Variants in NCAM2 observed in about 807,000 individuals in gnomAD.
The protein encoded by NCAM2 is neural cell adhesion molecule 2.
In NCAM2, 30 loss-of-function variants were observed where a neutral mutation model predicts 98.1. The observed-to-expected ratio is 0.31, with a 90% CI of 0.23 to 0.41. The LOEUF is 0.41. NCAM2 is among the 10% of genes least tolerant of loss of function. NCAM2 has a pLI of 1.00. For missense variants in NCAM2, 867 were observed against 1,005.8 expected (o/e 0.86, Z 1.87); for synonymous variants, 368 against 342.4 (o/e 1.07, Z -0.83).
At chr21:21,249,083 G>A (rs1387735825) in intron 1 of NCAM2, among the ~76,000 whole-genome samples, 2 of 152,024 alleles carry the variant, frequency 1.3e-5, no homozygotes, top group African/African-American at 4.8e-5. Context: ...GGTAAAAATA[G>A]TAATAAAATA....
chr21:21,115,958 TG>T (rs2066545870), intron 1 of NCAM2, among the ~76,000 whole-genome samples: 1 of 2,000 alleles, frequency 5.0e-4, no homozygotes, highest in Non-Finnish European at 3.2e-3. Context: ...TCTGAGATTT[TG>T]TGTGTGTGTG....
intron 7 of NCAM2, 42 bp from the exon 8 acceptor site, chr21:21,338,347 T>C (rs2074934259): frequency 1.5e-5 from 23 of 1,565,504 alleles, no homozygotes; most frequent in Non-Finnish European, 2.0e-5. Flanking sequence ...GAAGTAATAT[T>C]TTCCTCCAAT....
chr21:21,272,504 G>T (rs545952742), intron 1 of NCAM2, among the ~76,000 whole-genome samples: 585 of 56,484 alleles, frequency 0.01, 6 homozygotes, highest in African/African-American at 0.032. Flanking sequence ...ACATGCGCGC[G>T]CGCGCACACA....
chr21:21,418,107 ATG>A (rs1230922941), intron 10 of NCAM2, among the ~76,000 whole-genome samples: 1 of 77,594 alleles, frequency 1.3e-5, no homozygotes, highest in Non-Finnish European at 3.0e-5. Flanking sequence ...ATATATATAC[ATG>A]TATACATAAA....
At chr21:21,054,004 A>C (rs1272459656) in intron 1 of NCAM2, among the ~76,000 whole-genome samples, 1 of 151,304 alleles carries the variant, frequency 6.6e-6, no homozygotes, top group African/African-American at 2.4e-5. Context: ...TTTCCGTGTA[A>C]GTTTGGAAGG....
At chr21:21,331,511 C>CTATA (rs1400422948) in intron 6 of NCAM2, among the ~76,000 whole-genome samples, 4 of 6,564 alleles carry the variant, frequency 6.1e-4, no homozygotes, top group Admixed American at 2.9e-3. Flanking sequence ...TCTATACTCT[C>CTATA]TCTCTCTATA....
chr21:21,438,445 G>A (rs771961973), intron 12 of NCAM2, among the ~76,000 whole-genome samples: 2 of 152,080 alleles, frequency 1.3e-5, no homozygotes, highest in Non-Finnish European at 2.9e-5. Flanking sequence ...TATTCTTTTT[G>A]AAGGTTTAGC....
intron 8 of NCAM2, among the ~76,000 whole-genome samples, chr21:21,351,389 G>A (rs1011834291): frequency 1.1e-4 from 17 of 152,058 alleles, no homozygotes; most frequent in Non-Finnish European, 2.1e-4. Context: ...ATGCACTTGT[G>A]TTTACAAATT....
At chr21:21,483,879 G>C (rs1344204140) in intron 15 of NCAM2, among the ~76,000 whole-genome samples, 1 of 152,054 alleles carries the variant, frequency 6.6e-6, no homozygotes, top group Non-Finnish European at 1.5e-5. Context: ...TAGCTTCTAT[G>C]CTTATTGCAA....
At chr21:21,423,216 C>T (rs1457760141) in intron 11 of NCAM2, among the ~76,000 whole-genome samples, 1 of 152,104 alleles carries the variant, frequency 6.6e-6, no homozygotes, top group Non-Finnish European at 1.5e-5. Flanking sequence ...AGGGACTTGG[C>T]TGTTAGCTGT....
chr21:21,052,150 A>ATTTTTTTTTTTTTTTTTTTTTT (rs5842877), intron 1 of NCAM2, among the ~76,000 whole-genome samples: 3 of 74,808 alleles, frequency 4.0e-5, no homozygotes, highest in African/African-American at 1.7e-4. Context: ...CATGATGGCC[A>ATTTTTTTTTTTTTTTTTTTTTT]TTTTTTTTTT....
intron 1 of NCAM2, among the ~76,000 whole-genome samples, chr21:21,117,953 C>T (rs545406717): frequency 2.0e-5 from 3 of 152,220 alleles, no homozygotes; most frequent in Non-Finnish European, 4.4e-5. Context: ...ACTAAGTTGC[C>T]TGATATTTAT....
chr21:21,242,601 T>C, intron 1 of NCAM2, among the ~76,000 whole-genome samples: 1 of 152,220 alleles, frequency 6.6e-6, no homozygotes, highest in East Asian at 1.9e-4. Flanking sequence ...GTAGTCTTTC[T>C]GTGCCTGGCT....
chr21:21,121,961 G>A lies in NCAM2; in HGVS notation c.55+123343G>A, dbSNP rs892850916. Among the ~76,000 whole-genome samples the A allele has an allele frequency of 2.0e-5, 3 of 152,228 alleles. No individual in the cohort carries two copies. The South Asian group carries it at 6.2e-4, about 31-fold the overall frequency. The stretch of plus-strand genomic sequence containing the variant: ...TGAATCCAAAAGAGTTATTCTACCT[G>A]TTTCCAAGAACAACTGTTAAATGTG... On this transcript the variant is annotated intron_variant, in intron 1 of 17. Coordinates refer to ENST00000400546, the MANE Select transcript of NCAM2 (RefSeq NM_004540.5).
chr21:21,187,878 C>G (rs2068693366), intron 1 of NCAM2, among the ~76,000 whole-genome samples: 1 of 152,146 alleles, frequency 6.6e-6, no homozygotes, highest in Non-Finnish European at 1.5e-5. Context: ...AATAGTGTGT[C>G]TGAACTTCTA....
intron 15 of NCAM2, among the ~76,000 whole-genome samples, chr21:21,487,072 C>T (rs906031655): frequency 6.6e-6 from 1 of 152,018 alleles, no homozygotes; most frequent in Admixed American, 6.6e-5. Context: ...CCTTATTTCT[C>T]TAAGAAATTA....
intron 1 of NCAM2, among the ~76,000 whole-genome samples, chr21:21,091,435 G>A (rs766624486): frequency 4.0e-5 from 6 of 151,770 alleles, no homozygotes; most frequent in Non-Finnish European, 7.4e-5. Context: ...AAAAATTGTC[G>A]ATGTTCATTA....
At position 21,351,095 on chromosome 21, in the gene NCAM2, C is replaced by CAG. The variant is rs560793559; in HGVS notation, c.1044+12568_1044+12569dup. ...TGCCACTGCACTCCAGCCTGGGAGACAGAGAGAGCGAGACTCTGTCTCAAA... is the reference window on the plus strand; with the variant it reads ...TGCCACTGCACTCCAGCCTGGGAGACAGAGAGAGAGCGAGACTCTGTCTCAAA... On this transcript the variant is annotated intron_variant, in intron 8 of 17. Coordinates refer to ENST00000400546, the MANE Select transcript of NCAM2 (RefSeq NM_004540.5). 1.9e-3 allele frequency among the ~76,000 whole-genome samples: 199 copies of CAG among 106,856 alleles called. 2 individuals carry two copies. The highest frequency in any genetic ancestry group is 7.0e-3 in the African/African-American group (189 of 26,820). The allele number at this position is 106,856 out of a possible 152,430, so 70.1% of individuals were successfully genotyped here.
chr21:21,040,456 A>C (rs2064881933), intron 1 of NCAM2, among the ~76,000 whole-genome samples: 1 of 152,130 alleles, frequency 6.6e-6, no homozygotes, highest in Non-Finnish European at 1.5e-5. Context: ...TTTGCATTAC[A>C]GTATTAAACC....
Sources: allele counts gnomAD v4.1 joint callset (sites outside exome capture counted in the v4.1 genomes callset), GRCh38; gene constraint gnomAD v4.1.1; transcripts MANE v1.5; gene names NCBI Gene and HGNC (gene_info 2026-07-23, HGNC 2026-07-21).